The following LTF variants were observed in gnomAD, a reference collection of about 807,000 sequenced individuals.
LTF encodes the protein lactotransferrin.
LTF carries 91 observed loss-of-function variants against 87.2 expected under a neutral mutation model. The ratio of observed to expected loss-of-function variants is 1.04; its 90% CI spans 0.88 to 1.24. LTF has a LOEUF of 1.24. Ranked by LOEUF, LTF falls within the 50% of genes most tolerant of loss-of-function variation. The pLI is 0.00. For missense variants in LTF, 901 were observed against 904.3 expected, an observed-to-expected ratio of 1.00 and a Z score of 0.05; for synonymous variants, 378 against 356.1, an observed-to-expected ratio of 1.06 and a Z score of -0.69.
chr3:46,456,996 G>C (rs888654811), intron 2 of LTF, among the ~76,000 whole-genome samples: 3 of 152,126 alleles, frequency 2.0e-5, no homozygotes, highest in African/African-American at 7.2e-5. Context: ...ATTCTCATAG[G>C]GAGTGCAACC....
chr3:46,448,778 G>T, intron 9 of LTF, 85 bp downstream of exon 9: 1 of 1,526,754 alleles, frequency 6.5e-7, no homozygotes, highest in South Asian at 1.2e-5. Context: ...TGGCCTCTTT[G>T]ACTGTTGACT....
intron 1 of LTF, among the ~76,000 whole-genome samples, chr3:46,476,059 A>G (rs531849433): frequency 6.6e-6 from 1 of 152,328 alleles, no homozygotes; most frequent in East Asian, 1.9e-4. Context: ...TATTAGAAAT[A>G]CAATCTATTT....
intron 1 of LTF, among the ~76,000 whole-genome samples, chr3:46,483,446 G>C (rs1703477323): frequency 6.6e-6 from 1 of 152,230 alleles, no homozygotes; most frequent in African/African-American, 2.4e-5. Context: ...GTGAGAATGA[G>C]CTAACTTCTG....
chr3:46,482,690 A>T (rs1047890919), intron 1 of LTF, among the ~76,000 whole-genome samples: 21 of 125,674 alleles, frequency 1.7e-4, no homozygotes, highest in African/African-American at 4.8e-4. Context: ...GAAGGAAGGA[A>T]GGAAGGAAGG....
chr3:46,479,181 G>T (rs1703400412), intron 1 of LTF, among the ~76,000 whole-genome samples: 1 of 152,240 alleles, frequency 6.6e-6, no homozygotes, highest in Non-Finnish European at 1.5e-5. Context: ...TAGGGAATCT[G>T]CCTCCCACCT....
At chr3:46,472,392 C>T (rs1703302522) in intron 1 of LTF, among the ~76,000 whole-genome samples, 2 of 151,818 alleles carry the variant, frequency 1.3e-5, no homozygotes, top group African/African-American at 4.8e-5. Context: ...GAGCAAGATG[C>T]CCCTTTTTCG....
At chr3:46,477,879 C>A (rs989809827) in intron 1 of LTF, among the ~76,000 whole-genome samples, 2 of 152,194 alleles carry the variant, frequency 1.3e-5, no homozygotes, top group Admixed American at 1.3e-4. Flanking sequence ...TCCCTTTCCC[C>A]AGGCGGCTCC....
chr3:46,445,408 T>A lies in LTF; in HGVS notation c.1386A>T (p.Arg462Ser), dbSNP rs1375489914. 2 of 1,613,132 alleles carry A rather than the reference T, an allele frequency of 1.2e-6. No homozygotes were observed. Among genetic ancestry groups the A allele is most frequent in the Non-Finnish European group, 1.7e-6 (2 of 1,179,660 alleles). ...AGTTCCAGGTAAGGCTAGTGTCTGA[T>A]CTCCTAACCACCGCCACAGCAAGAT... is the stretch of plus-strand genomic sequence containing the variant. The part of the protein sequence containing the change: ...EGYLAVAVVR[R>S]SDTSLTWNSV... Residue 462 changes from arginine to serine, a missense_variant, in exon 12 of 17, where the codon AGA (arginine) becomes AGT (serine). By Grantham distance (110) the Arg-to-Ser change is moderately radical. Coordinates refer to ENST00000231751, the MANE Select transcript of LTF (RefSeq NM_002343.6).
upstream of LTF, among the ~76,000 whole-genome samples, chr3:46,469,866 C>T (rs1480029679): frequency 4.6e-5 from 7 of 152,208 alleles, no homozygotes; most frequent in Admixed American, 3.3e-4. Flanking sequence ...TTAGCCAACA[C>T]GTATTGTTGC....
chr3:46,455,755 C>T (rs1393480009), intron 4 of LTF, 41 bp downstream of exon 4: 6 of 1,525,440 alleles, frequency 3.9e-6, no homozygotes, highest in Middle Eastern at 1.8e-4. Flanking sequence ...TGGAATAGAG[C>T]CCCCTGCCTG....
At chr3:46,450,751 C>G in intron 6 of LTF, 78 bp from the exon 7 acceptor site, 4 of 1,267,086 alleles carry the variant, frequency 3.2e-6, no homozygotes, top group Non-Finnish European at 4.5e-6. Context: ...TCCCCTTCTC[C>G]CTATAGAATT....
chr3:46,475,271 T>C lies in LTF; in HGVS notation c.-319-4805A>G, dbSNP rs1454866896. Among the ~76,000 whole-genome samples, 3 of 150,140 alleles carry C rather than the reference T, an allele frequency of 2.0e-5. 1 individual carries two copies. The highest frequency in any genetic ancestry group is 7.6e-5 in the African/African-American group (3 of 39,452). On this transcript the variant is annotated intron_variant, in intron 1 of 19. Coordinates refer to the LTF transcript ENST00000443496. ...CTGAATTAAGAAACAGAGCTCATGA[T>C]TTTAAAACTCTCAAAAAAGAAATCT...
intron 2 of LTF, among the ~76,000 whole-genome samples, chr3:46,458,388 A>G (rs2106889169): frequency 6.6e-6 from 1 of 152,354 alleles, no homozygotes. Context: ...GATTTCAAAC[A>G]GGGATCTTAT....
At chr3:46,467,526 C>A (rs1244410182), upstream of LTF, among the ~76,000 whole-genome samples, 2 of 152,064 alleles carry the variant, frequency 1.3e-5, no homozygotes, top group Non-Finnish European at 2.9e-5. Flanking sequence ...AAGTAAACAA[C>A]CAAACAAGTA....
At chr3:46,469,860 C>A (rs929956964), upstream of LTF, among the ~76,000 whole-genome samples, 6 of 152,202 alleles carry the variant, frequency 3.9e-5, no homozygotes, top group Non-Finnish European at 5.9e-5. Flanking sequence ...GCTTCATTAG[C>A]CAACACGTAT....
intron 1 of LTF, among the ~76,000 whole-genome samples, chr3:46,475,437 A>G (rs928141642): frequency 1.3e-5 from 2 of 152,150 alleles, no homozygotes; most frequent in Admixed American, 6.6e-5. Context: ...CAAGAGAGAA[A>G]AAGGAGAGGG....
chr3:46,466,752 T>C (rs1703220668), upstream of LTF, among the ~76,000 whole-genome samples: 1 of 152,204 alleles, frequency 6.6e-6, no homozygotes, highest in East Asian at 1.9e-4. Context: ...AATAAGTTCT[T>C]TCAAAAATAC....
chr3:46,447,939 T>C (rs144673459), intron 9 of LTF, among the ~76,000 whole-genome samples: 3,076 of 152,266 alleles, frequency 0.02, 100 homozygotes, highest in African/African-American at 0.071. Context: ...AATAGAGAAG[T>C]GGACAAAGAT....
chr3:46,459,354 A>T (rs1288049210), intron 2 of LTF, among the ~76,000 whole-genome samples: 1 of 152,200 alleles, frequency 6.6e-6, no homozygotes, highest in Non-Finnish European at 1.5e-5. Flanking sequence ...CTTTTTGCTG[A>T]TCCTATGTAT....
Sources: allele counts gnomAD v4.1 joint callset (sites outside exome capture counted in the v4.1 genomes callset), GRCh38; gene constraint gnomAD v4.1.1; transcripts MANE v1.5; gene names NCBI Gene and HGNC (gene_info 2026-07-23, HGNC 2026-07-21).